The following ATP8B1 variants were observed in gnomAD, a reference collection of about 807,000 sequenced individuals.
ATP8B1 encodes the protein ATPase phospholipid transporting 8B1.
In ATP8B1, 80 loss-of-function variants were observed where a neutral mutation model predicts 149.9. That is an observed-to-expected ratio of 0.53 (90% CI 0.45 to 0.64). The LOEUF (loss-of-function observed/expected upper bound fraction) is 0.64, where lower values mean the gene tolerates loss of function less well. Among genes scored for constraint, ATP8B1 ranks in the 30% least tolerant of loss-of-function variants. The pLI, the probability that ATP8B1 is intolerant of heterozygous loss-of-function variation, is 0.00. For synonymous variants in ATP8B1, 536 were observed against 562.8 expected (o/e 0.95, Z 0.67); for missense variants, 1,247 against 1,552.6 (o/e 0.80, Z 3.31).
chr18:57,731,900 A>C, intron 1 of ATP8B1, 68 bp from the exon 2 acceptor site: 1 of 1,360,196 alleles, frequency 7.4e-7, no homozygotes, highest in Non-Finnish European at 1.1e-6. Flanking sequence ...TACTGCCTGC[A>C]TGCTGCTACA....
intron 14 of ATP8B1, 92 bp downstream of exon 14, chr18:57,684,980 G>C: frequency 6.6e-7 from 1 of 1,508,636 alleles, no homozygotes. Flanking sequence ...GGCAACGAAA[G>C]AGTCTTCCCT....
At chr18:57,680,300 A>AAAAAAAAAAAAAAAAAAAAAAAAAAAAAC in intron 15 of ATP8B1, among the ~76,000 whole-genome samples, 1 of 139,394 alleles carries the variant, frequency 7.2e-6, no homozygotes, top group African/African-American at 2.6e-5. Flanking sequence ...AAAAAAAAAA[A>AAAAAAAAAAAAAAAAAAAAAAAAAAAAAC]AAGACTGGGT....
chr18:57,660,537 G>T (rs1455862040), intron 22 of ATP8B1, among the ~76,000 whole-genome samples: 1 of 152,022 alleles, frequency 6.6e-6, no homozygotes, highest in African/African-American at 2.4e-5. Context: ...TTGTTTTTTT[G>T]AGATGGAGTC....
At position 57,662,563 on chromosome 18, in the gene ATP8B1, C is replaced by T. The variant is rs536502512; in HGVS notation, c.2338G>A (p.Ala780Thr). 21 of 1,614,074 alleles carry T rather than the reference C, an allele frequency of 1.3e-5. No homozygotes were observed. In the South Asian group the frequency reaches 2.0e-4, roughly 15 times the overall value. The change falls in exon 21 of 28, where the codon GCA becomes ACA. Residue 780 changes from alanine to threonine, a missense_variant. By Grantham distance (58) the Ala-to-Thr change is moderately conservative (BLOSUM62 0). Transcript: ENST00000648908. ...TCCTGCACAGGAGGTGCAAACTTTG[C>T]GTAGACGCCACCTCTATTCCTCTGG... ...ENQRNRGGVYAKFAPPVQESF... is the reference protein window; with the variant it reads ...ENQRNRGGVYTKFAPPVQESF...
rs1216050676 is a variant in ATP8B1, at chr18:57,721,560, A to C, written c.181+10067T>G. Among the ~76,000 whole-genome samples the C allele has an allele frequency of 2.0e-5, 3 of 152,226 alleles. No individual in the cohort carries two copies. In the East Asian group the frequency reaches 5.8e-4, roughly 29 times the overall value. ...AAGAAGAGCTAACTCTCCTAAATAT[A>C]TATGCACCCAATACAGGAGCACCCA... On this transcript the variant is annotated intron_variant, in intron 2 of 27. Coordinates refer to ENST00000648908, the MANE Select transcript of ATP8B1 (RefSeq NM_001374385.1).
intron 14 of ATP8B1, 98 bp from the exon 15 acceptor site, chr18:57,684,290 C>CA: frequency 7.8e-7 from 1 of 1,274,224 alleles, no homozygotes; most frequent in Non-Finnish European, 1.1e-6. Context: ...TTCAATTATG[C>CA]AAAAACCACC....
At chr18:57,731,388 A>G in intron 2 of ATP8B1, 1 of 365,006 alleles carries the variant, frequency 2.7e-6, no homozygotes, top group Non-Finnish European at 5.2e-6. Flanking sequence ...CACACTAACA[A>G]AGACCTTAAT....
chr18:57,793,208 C>G (rs1346410722), intron 1 of ATP8B1, among the ~76,000 whole-genome samples: 2 of 152,176 alleles, frequency 1.3e-5, no homozygotes, highest in African/African-American at 4.8e-5. Context: ...CTCTCTCTCT[C>G]ACACCCCACA....
intron 1 of ATP8B1, among the ~76,000 whole-genome samples, chr18:57,762,126 CA>C (rs1555654422): frequency 1.0e-5 from 1 of 96,508 alleles, no homozygotes; most frequent in Non-Finnish European, 2.2e-5. Context: ...CACACACACA[CA>C]TATATATATA....
Position 57,708,075 on chromosome 18 carries a change from T to C in ATP8B1, c.182-1488A>G, listed in dbSNP as rs1913497161. Among the ~76,000 whole-genome samples the C allele has an allele frequency of 6.7e-5, 10 of 149,236 alleles. No homozygotes were observed. In the Admixed American group the frequency reaches 6.8e-4, roughly 10 times the overall value. The stretch of plus-strand genomic sequence containing the variant: ...CAGGAGGCTGAGGCAGGAGAATCTC[T>C]TGAACCTGGGAGGCAGAGGTTGCAG... On this transcript the variant is annotated intron_variant, in intron 2 of 27. Coordinates refer to ENST00000648908, the MANE Select transcript of ATP8B1 (RefSeq NM_001374385.1).
intron 13 of ATP8B1, among the ~76,000 whole-genome samples, chr18:57,687,377 G>A (rs976138203): frequency 2.0e-5 from 3 of 152,124 alleles, no homozygotes; most frequent in Non-Finnish European, 2.9e-5. Flanking sequence ...TTAGCATAAT[G>A]TCCTTAACCC....
At chr18:57,698,225 T>C (rs1912924785) in intron 6 of ATP8B1, among the ~76,000 whole-genome samples, 3 of 152,216 alleles carry the variant, frequency 2.0e-5, no homozygotes, top group Admixed American at 2.0e-4. Flanking sequence ...ACTTGCTCCA[T>C]GCTGGTCCCA....
rs978986829 is a variant in ATP8B1, at chr18:57,802,354, A to T, written c.-26+644T>A. Among the ~76,000 whole-genome samples, 2 of 152,064 alleles carry T rather than the reference A, an allele frequency of 1.3e-5. No homozygotes were observed. Among genetic ancestry groups the T allele is most frequent in the Non-Finnish European group, 2.9e-5 (2 of 67,990 alleles). On this transcript the variant is annotated intron_variant, in intron 1 of 27. Transcript: ENST00000648908. The surrounding 1 kb of genome is among the most constrained non-coding windows in gnomAD (Gnocchi z 4.9). ...GGCTGGCGGACGCGACCCGACAGTC[A>T]CCGGAAAAACAGTGGTGTCGGTCTT...
chr18:57,735,320 G>C (rs1367024348), intron 1 of ATP8B1: 1 of 154,332 alleles, frequency 6.5e-6, no homozygotes, highest in Non-Finnish European at 1.4e-5. Flanking sequence ...CGCGCTAAAG[G>C]CTTGCCATTG....
intron 23 of ATP8B1, among the ~76,000 whole-genome samples, chr18:57,654,351 C>G (rs1262220694): frequency 6.6e-6 from 1 of 151,390 alleles, no homozygotes; most frequent in Non-Finnish European, 1.5e-5. Flanking sequence ...CAGAGTCTCA[C>G]TCTGTCGCCC....
intron 1 of ATP8B1, among the ~76,000 whole-genome samples, chr18:57,773,454 A>G (rs192643022): frequency 6.6e-6 from 1 of 152,144 alleles, no homozygotes; most frequent in African/African-American, 2.4e-5. Flanking sequence ...AAAAACATTG[A>G]AAAAGGTGCC....
At position 57,765,484 on chromosome 18, in the gene ATP8B1, A is replaced by G. The variant is rs551324760; in HGVS notation, c.-25-33652T>C. 2.6e-4 allele frequency among the ~76,000 whole-genome samples: 39 copies of G among 152,280 alleles called. 2 individuals carry two copies. In the South Asian group the frequency reaches 7.9e-3, roughly 31 times the overall value. On this transcript the variant is annotated intron_variant, in intron 1 of 27. Coordinates refer to ENST00000648908, the MANE Select transcript of ATP8B1 (RefSeq NM_001374385.1). ...GGAGTTCGAGACCAGCCTGGTCAAT[A>G]TGGTGAAACCGCGTCTCTACTAAAA...
intron 2 of ATP8B1, among the ~76,000 whole-genome samples, chr18:57,713,189 T>TTCTCTCTTTCTTTCTC (rs1913786027): frequency 2.4e-5 from 2 of 84,388 alleles, no homozygotes; most frequent in African/African-American, 8.9e-5. Flanking sequence ...CTTTCTTTCT[T>TTCTCTCTTTCTTTCTC]TCTTTCTTTC....
At chr18:57,744,299 G>A in intron 1 of ATP8B1, among the ~76,000 whole-genome samples, 1 of 95,806 alleles carries the variant, frequency 1.0e-5, no homozygotes. Flanking sequence ...GACAGAGTGA[G>A]ACTGTCTCAA....
Sources: gnomAD v4.1 joint callset for allele counts (sites outside exome capture counted in the v4.1 genomes callset) on GRCh38, gnomAD v4.1.1 for gene constraint, Gnocchi (gnomAD v3.1) non-coding constraint, MANE v1.5 for transcripts, NCBI Gene and HGNC (gene_info 2026-07-23, HGNC 2026-07-21) for gene names.